SPTBN1: variants seen among roughly 807,000 people sequenced by gnomAD.
The protein encoded by SPTBN1 is spectrin beta chain, non-erythrocytic 1.
A neutral mutation model predicts 266.4 loss-of-function variants in SPTBN1; 32 were observed. That is an observed-to-expected ratio of 0.12 (90% CI 0.09 to 0.16). SPTBN1 has a LOEUF of 0.16. Ranked by LOEUF, SPTBN1 falls within the 10% of genes least tolerant of loss-of-function variation. The pLI, the probability that SPTBN1 is intolerant of heterozygous loss-of-function variation, is 1.00. For synonymous variants in SPTBN1, 1,336 were observed against 1,162.2 expected (o/e 1.15, Z -3.04); for missense variants, 2,296 against 3,067.1 (o/e 0.75, Z 5.94).
chr2:54,477,698 G>T (rs1054203434), intron 1 of SPTBN1, among the ~76,000 whole-genome samples: 7 of 152,120 alleles, frequency 4.6e-5, no homozygotes, highest in African/African-American at 1.4e-4. Flanking sequence ...CGGAGCACGA[G>T]GTCAGGAGTT....
At chr2:54,468,612 G>A (rs1468842867) in intron 1 of SPTBN1, among the ~76,000 whole-genome samples, 1 of 152,186 alleles carries the variant, frequency 6.6e-6, no homozygotes, top group African/African-American at 2.4e-5. Context: ...CTGTTGCCCT[G>A]AGCTGTTTTA....
At chr2:54,523,222 G>T (rs898603023) in intron 1 of SPTBN1, among the ~76,000 whole-genome samples, 2 of 152,184 alleles carry the variant, frequency 1.3e-5, no homozygotes, top group Non-Finnish European at 2.9e-5. Flanking sequence ...GATTTCTGAA[G>T]TTTTTGTGTT....
At chr2:54,642,757 TTC>T (rs1679661421) in intron 18 of SPTBN1, among the ~76,000 whole-genome samples, 1 of 152,180 alleles carries the variant, frequency 6.6e-6, no homozygotes, top group South Asian at 2.1e-4. Context: ...GCTTTTGTAC[TTC>T]TGGAATGAAT....
At position 54,653,571 on chromosome 2, in the gene SPTBN1, A is replaced by C. The variant is rs369100364; in HGVS notation, c.5578-38A>C. The stretch of plus-strand genomic sequence containing the variant: ...TTGGGGTGATGGTGGGAAGGCCGCC[A>C]TGGGCTGACCTGGCTCATCCCCTAC... On this transcript the variant is annotated intron_variant, in intron 26 of 35. Transcript: ENST00000356805. This position sits in a 1 kb window ranked among gnomAD's most constrained non-coding sequence, Gnocchi z 5.1. 6.2e-7 allele frequency: 1 copy of C among 1,603,140 alleles called. No individual in the cohort carries two copies. Among genetic ancestry groups the C allele is most frequent in the Non-Finnish European group, 8.5e-7 (1 of 1,177,212 alleles).
intron 2 of SPTBN1, among the ~76,000 whole-genome samples, chr2:54,594,812 C>A (rs1195917629): frequency 6.9e-6 from 1 of 145,386 alleles, no homozygotes; most frequent in Non-Finnish European, 1.5e-5. Context: ...TTTTACGATT[C>A]CATGACCCTC....
At chr2:54,561,841 A>C (rs1197414843) in intron 2 of SPTBN1, among the ~76,000 whole-genome samples, 1 of 142,938 alleles carries the variant, frequency 7.0e-6, no homozygotes, top group Non-Finnish European at 1.5e-5. Flanking sequence ...AGAGATTTAT[A>C]GTTTGTAGAG....
At chr2:54,557,331 GC>G (rs1672941307) in intron 2 of SPTBN1, among the ~76,000 whole-genome samples, 1 of 151,680 alleles carries the variant, frequency 6.6e-6, no homozygotes, top group Admixed American at 6.6e-5. Context: ...TTGCTGTAGG[GC>G]TCCAAACTGG....
chr2:54,626,266 G>A lies in SPTBN1; in HGVS notation c.1644+32G>A. Reference sequence around the variant, plus strand: ...CCTGACCGAAAGGAAGGACGACAGAGCTGATCCAACCAGGGCTCTCTTTTC... The same window carrying A: ...CCTGACCGAAAGGAAGGACGACAGAACTGATCCAACCAGGGCTCTCTTTTC... On this transcript the variant is annotated intron_variant, in intron 12 of 35. Coordinates refer to ENST00000356805, the MANE Select transcript of SPTBN1 (RefSeq NM_003128.3). The surrounding 1 kb of genome is among the most constrained non-coding windows in gnomAD (Gnocchi z 4.7). 2 of 1,595,792 alleles carry A rather than the reference G, an allele frequency of 1.3e-6. No individual in the cohort carries two copies. Among genetic ancestry groups the A allele is most frequent in the Non-Finnish European group, 1.7e-6 (2 of 1,169,132 alleles).
intron 10 of SPTBN1, among the ~76,000 whole-genome samples, chr2:54,624,497 T>C (rs1007360051): frequency 1.3e-5 from 2 of 152,254 alleles, no homozygotes; most frequent in African/African-American, 4.8e-5. Context: ...TTTAAGATAA[T>C]TTATTTCCTC....
chr2:54,560,596 C>G (rs1198040165), intron 2 of SPTBN1, among the ~76,000 whole-genome samples: 1 of 152,140 alleles, frequency 6.6e-6, no homozygotes, highest in Non-Finnish European at 1.5e-5. Flanking sequence ...TTACCTCATA[C>G]GCTGTTTCTC....
At chr2:54,518,619 A>G (rs1670253525) in intron 1 of SPTBN1, among the ~76,000 whole-genome samples, 1 of 152,178 alleles carries the variant, frequency 6.6e-6, no homozygotes, top group African/African-American at 2.4e-5. Flanking sequence ...TCCAGTGTAC[A>G]CTTTTTCAAG....
Position 54,558,098 on chromosome 2 carries a change from A to C in SPTBN1, c.148+31532A>C. On this transcript the variant is annotated intron_variant, in intron 2 of 35. Coordinates refer to ENST00000356805, the MANE Select transcript of SPTBN1 (RefSeq NM_003128.3). The surrounding 1 kb of genome is among the most constrained non-coding windows in gnomAD (Gnocchi z 4.6). ...TAGTAATCGGAGACTTTTCCGTTACATGAGGCTCAACAAAAGATTGTAATT... is the reference window on the plus strand; with the variant it reads ...TAGTAATCGGAGACTTTTCCGTTACCTGAGGCTCAACAAAAGATTGTAATT... 2.0e-6 allele frequency: 2 copies of C among 985,386 alleles called. No individual in the cohort carries two copies. Among genetic ancestry groups the C allele is most frequent in the South Asian group, 4.7e-5 (1 of 21,290 alleles). 61.0% of individuals were successfully genotyped at this position (985,386 alleles called of 1,614,324 possible).
At chr2:54,474,016 A>C (rs969999323) in intron 1 of SPTBN1, among the ~76,000 whole-genome samples, 1 of 152,208 alleles carries the variant, frequency 6.6e-6, no homozygotes, top group African/African-American at 2.4e-5. Flanking sequence ...GTGTGAAGGC[A>C]GACGGAAACA....
intron 2 of SPTBN1, among the ~76,000 whole-genome samples, chr2:54,560,078 G>C (rs1338230937): frequency 6.6e-6 from 1 of 151,844 alleles, no homozygotes; most frequent in East Asian, 1.9e-4. Flanking sequence ...TCTGGGGAAC[G>C]GTTCTGTGTC....
chr2:54,528,062 C>A (rs1670931438), intron 2 of SPTBN1: 1 of 152,594 alleles, frequency 6.6e-6, no homozygotes, highest in African/African-American at 2.4e-5. Flanking sequence ...TTGAGCTGGC[C>A]TGAATGAATG....
rs1673823187 is a variant in SPTBN1, at chr2:54,568,424, G to GA, written c.149-30666dup. 2.7e-5 allele frequency among the ~76,000 whole-genome samples: 4 copies of GA among 150,914 alleles called. No individual in the cohort carries two copies. In the South Asian group the frequency reaches 8.4e-4, roughly 32 times the overall value. ...ATGGTGTCTGCCTTCTAACTCCTAT[G>GA]AACAGACAAGGAAATAGTTTCATTA... On this transcript the variant is annotated intron_variant, in intron 2 of 35. Coordinates refer to ENST00000356805, the MANE Select transcript of SPTBN1 (RefSeq NM_003128.3).
intron 1 of SPTBN1, among the ~76,000 whole-genome samples, chr2:54,496,350 A>G (rs1445319885): frequency 6.7e-6 from 1 of 150,174 alleles, no homozygotes; most frequent in Non-Finnish European, 1.5e-5. Context: ...AGGCTGGAGA[A>G]TTGCTAGAAC....
At chr2:54,609,596 C>T (rs1396957721) in intron 3 of SPTBN1, among the ~76,000 whole-genome samples, 3 of 152,008 alleles carry the variant, frequency 2.0e-5, no homozygotes, top group South Asian at 2.1e-4. Flanking sequence ...TAGTAATGAG[C>T]GTTACAAGTC....
chr2:54,586,527 T>C, intron 2 of SPTBN1, among the ~76,000 whole-genome samples: 1 of 152,212 alleles, frequency 6.6e-6, no homozygotes, highest in East Asian at 1.9e-4. Context: ...ATTTATACAT[T>C]CTGTATAGTC....
Sources: gnomAD v4.1 joint callset for allele counts (sites outside exome capture counted in the v4.1 genomes callset) on GRCh38, gnomAD v4.1.1 for gene constraint, Gnocchi (gnomAD v3.1) non-coding constraint, MANE v1.5 for transcripts, NCBI Gene and HGNC (gene_info 2026-07-23, HGNC 2026-07-21) for gene names.